PCDH15: variants seen among roughly 807,000 people sequenced by gnomAD.
PCDH15 encodes the protein protocadherin-15.
Under a neutral mutation model 178.5 loss-of-function variants are expected in PCDH15, and 129 were observed. The observed-to-expected ratio is 0.72, with a 90% CI of 0.63 to 0.84. The LOEUF (loss-of-function observed/expected upper bound fraction) is 0.84, where lower values mean the gene tolerates loss of function less well. Among genes scored for constraint, PCDH15 ranks in the 40% least tolerant of loss-of-function variants. PCDH15 has a pLI of 0.00. For synonymous variants in PCDH15, 800 were observed against 732.0 expected, an observed-to-expected ratio of 1.09 and a Z score of -1.50; for missense variants, 2,230 against 2,099.9, an observed-to-expected ratio of 1.06 and a Z score of -1.21.
At chr10:54,943,453 T>C (rs1484849182) in intron 2 of PCDH15, among the ~76,000 whole-genome samples, 1 of 151,976 alleles carries the variant, frequency 6.6e-6, no homozygotes, top group Admixed American at 6.6e-5. Context: ...ATTTAACTCA[T>C]GGCAAAATTG....
intron 21 of PCDH15, among the ~76,000 whole-genome samples, chr10:53,994,101 ATCT>A (rs2091695877): frequency 6.6e-6 from 1 of 152,230 alleles, no homozygotes; most frequent in Non-Finnish European, 1.5e-5. Context: ...TAAGTAATTT[ATCT>A]TCTTTATAGA....
chr10:54,918,848 A>G (rs895946801), intron 2 of PCDH15, among the ~76,000 whole-genome samples: 1 of 152,168 alleles, frequency 6.6e-6, no homozygotes, highest in Non-Finnish European at 1.5e-5. Context: ...TAAGTTAAAA[A>G]TATCTTAAGT....
chr10:54,347,050 A>G (rs1031130674), intron 5 of PCDH15, among the ~76,000 whole-genome samples: 2 of 152,188 alleles, frequency 1.3e-5, no homozygotes, highest in African/African-American at 2.4e-5. Flanking sequence ...CTGGAGAGAT[A>G]GCAACATCTT....
intron 2 of PCDH15, among the ~76,000 whole-genome samples, chr10:54,585,350 G>C (rs868517225): frequency 3.3e-5 from 5 of 152,074 alleles, no homozygotes; most frequent in African/African-American, 1.2e-4. Flanking sequence ...AGTTTCTTTA[G>C]GAGGCTGAAT....
intron 2 of PCDH15, among the ~76,000 whole-genome samples, chr10:55,502,052 G>T (rs775433918): frequency 6.6e-6 from 1 of 151,384 alleles, no homozygotes; most frequent in Non-Finnish European, 1.5e-5. Context: ...CAAAACTTTT[G>T]CAATAAAAAT....
chr10:54,083,443 C>A (rs2094466277), intron 16 of PCDH15, among the ~76,000 whole-genome samples: 1 of 152,132 alleles, frequency 6.6e-6, no homozygotes, highest in Non-Finnish European at 1.5e-5. Flanking sequence ...TATTACGTAG[C>A]CATGAAAAGT....
intron 3 of PCDH15, among the ~76,000 whole-genome samples, chr10:54,502,110 AGTGT>A (rs1024342444): frequency 1.3e-5 from 2 of 151,678 alleles, no homozygotes; most frequent in Non-Finnish European, 2.9e-5. Flanking sequence ...CTGGCTAACA[AGTGT>A]GGAATGAGAA....
intron 3 of PCDH15, among the ~76,000 whole-genome samples, chr10:54,417,259 G>T (rs1039072897): frequency 6.6e-6 from 1 of 151,980 alleles, no homozygotes; most frequent in Non-Finnish European, 1.5e-5. Flanking sequence ...CACTTACGTC[G>T]ATCTACTTTA....
At chr10:54,024,431 C>G (rs555712169) in intron 18 of PCDH15, among the ~76,000 whole-genome samples, 1 of 152,162 alleles carries the variant, frequency 6.6e-6, no homozygotes, top group Non-Finnish European at 1.5e-5. Flanking sequence ...TGTATTTTAA[C>G]AGCACATATG....
intron 2 of PCDH15, among the ~76,000 whole-genome samples, chr10:55,353,118 C>G (rs1216524410): frequency 6.6e-6 from 1 of 152,150 alleles, no homozygotes; most frequent in Admixed American, 6.6e-5. Context: ...CATCCGACTA[C>G]CACTTCTTCA....
intron 2 of PCDH15, among the ~76,000 whole-genome samples, chr10:55,585,370 C>T (rs1318797716): frequency 6.6e-6 from 1 of 152,170 alleles, no homozygotes; most frequent in African/African-American, 2.4e-5. Flanking sequence ...TGTTACAACA[C>T]TTCACTGCTC....
At chr10:54,138,949 ATAAG>A (rs1157302947) in intron 14 of PCDH15, among the ~76,000 whole-genome samples, 1 of 147,658 alleles carries the variant, frequency 6.8e-6, no homozygotes, top group Non-Finnish European at 1.5e-5. Context: ...AAGAATACAC[ATAAG>A]TAAGCCCAAA....
intron 1 of PCDH15, among the ~76,000 whole-genome samples, chr10:55,217,552 A>T (rs537812408): frequency 6.6e-6 from 1 of 151,832 alleles, no homozygotes; most frequent in Non-Finnish European, 1.5e-5. Flanking sequence ...CATGCTCACA[A>T]TTCATGTGCT....
chr10:54,945,327 T>C (rs922864240), intron 2 of PCDH15, among the ~76,000 whole-genome samples: 3 of 65,340 alleles, frequency 4.6e-5, no homozygotes, highest in African/African-American at 1.0e-4. Flanking sequence ...GATGTATGGA[T>C]AGATAGATAG....
At chr10:54,936,697 T>C (rs1033086430) in intron 2 of PCDH15, among the ~76,000 whole-genome samples, 1 of 150,446 alleles carries the variant, frequency 6.6e-6, no homozygotes, top group African/African-American at 2.4e-5. Context: ...TGTCTATTAC[T>C]TTTTTGCACA....
chr10:55,393,010 T>C (rs1837836618), intron 2 of PCDH15, among the ~76,000 whole-genome samples: 1 of 151,706 alleles, frequency 6.6e-6, no homozygotes. Flanking sequence ...TGTGTGTGTG[T>C]GTGTGTATTT....
intron 3 of PCDH15, among the ~76,000 whole-genome samples, chr10:54,861,519 G>A (rs1953842880): frequency 6.6e-6 from 1 of 152,072 alleles, no homozygotes; most frequent in Non-Finnish European, 1.5e-5. Flanking sequence ...TGGATTCACA[G>A]CCATATCAGG....
chr10:55,277,323 A>AT (rs1263002145), intron 1 of PCDH15, among the ~76,000 whole-genome samples: 1 of 152,030 alleles, frequency 6.6e-6, no homozygotes, highest in Non-Finnish European at 1.5e-5. Flanking sequence ...CTGTATATTA[A>AT]TTTAAAAGTA....
intron 1 of PCDH15, among the ~76,000 whole-genome samples, chr10:54,784,938 C>T (rs1950703771): frequency 6.6e-6 from 1 of 151,988 alleles, no homozygotes. Flanking sequence ...CCATCGCATA[C>T]TGAACCCATT....
Sources: allele counts gnomAD v4.1 joint callset (sites outside exome capture counted in the v4.1 genomes callset), GRCh38; gene constraint gnomAD v4.1.1; transcripts MANE v1.5; gene names NCBI Gene and HGNC (gene_info 2026-07-23, HGNC 2026-07-21).